Variants in NDST4 observed in about 807,000 individuals in gnomAD.
NDST4 encodes the protein N-deacetylase and N-sulfotransferase 4, also known as N-heparan sulfate sulfotransferase 4.
In NDST4, 63 loss-of-function variants were observed where a neutral mutation model predicts 100.8. The observed-to-expected ratio is 0.62, with a 90% CI of 0.51 to 0.77. The LOEUF is 0.77. Among genes scored for constraint, NDST4 ranks in the 30% least tolerant of loss-of-function variants. NDST4 has a pLI of 0.00. For synonymous variants in NDST4, 377 were observed against 361.8 expected (o/e 1.04, Z -0.48); for missense variants, 943 against 1,018.4 (o/e 0.93, Z 1.01).
At chr4:115,033,101 AT>A (rs1380493961) in intron 2 of NDST4, among the ~76,000 whole-genome samples, 2 of 145,602 alleles carry the variant, frequency 1.4e-5, no homozygotes, top group African/African-American at 5.0e-5. Context: ...AATTAAGTTT[AT>A]TTTGAATGCA....
chr4:114,926,746 T>A (rs1261404002), intron 6 of NDST4, among the ~76,000 whole-genome samples: 1 of 152,232 alleles, frequency 6.6e-6, no homozygotes, highest in East Asian at 1.9e-4. Flanking sequence ...AAGCTGCAGA[T>A]GTTATTATAA....
In NDST4 at chr4:115,080,277, C is replaced by T. The variant is rs185988959; in HGVS notation, c.-246-2995G>A. Among the ~76,000 whole-genome samples the T allele has an allele frequency of 1.2e-3, 178 of 152,234 alleles. 1 individual carries two copies. Among genetic ancestry groups the T allele is most frequent in the Admixed American group, 2.2e-3 (34 of 15,290 alleles). On this transcript the variant is annotated intron_variant, in intron 1 of 13. Transcript: ENST00000264363. ...TCAGCCTCCCTAGTAGCTGGGATTA[C>T]AGGCACACACCTTCAAGTCCAGCTA...
At chr4:115,099,357 A>C (rs971882298) in intron 1 of NDST4, among the ~76,000 whole-genome samples, 1 of 152,148 alleles carries the variant, frequency 6.6e-6, no homozygotes, top group African/African-American at 2.4e-5. Context: ...GGTGGCAGAC[A>C]CTCTGAAGAG....
intron 1 of NDST4, among the ~76,000 whole-genome samples, chr4:115,101,949 T>A (rs1729738749): frequency 6.6e-6 from 1 of 152,022 alleles, no homozygotes; most frequent in African/African-American, 2.4e-5. Flanking sequence ...AGGATTTAGA[T>A]TTTGAGGAGA....
chr4:114,933,450 T>C (rs1725557833), intron 6 of NDST4, among the ~76,000 whole-genome samples: 1 of 145,570 alleles, frequency 6.9e-6, no homozygotes. Flanking sequence ...TTTTTTTTTT[T>C]TTTTGTGTGT....
intron 6 of NDST4, among the ~76,000 whole-genome samples, chr4:114,927,983 A>T (rs1725419748): frequency 6.6e-6 from 1 of 152,180 alleles, no homozygotes; most frequent in Non-Finnish European, 1.5e-5. Flanking sequence ...AACACTTCGC[A>T]CTAAAAACAC....
chr4:115,022,034 CTA>C lies in NDST4; in HGVS notation c.979-44762_979-44761del, dbSNP rs1310277342. Among the ~76,000 whole-genome samples the C allele has an allele frequency of 2.0e-5, 3 of 151,782 alleles. No individual in the cohort carries two copies. In the East Asian group the frequency reaches 5.8e-4, roughly 30 times the overall value. ...TTCCATATCTCTATGTTCCATATCT[CTA>C]TGTTCCATATCTCTATGTTCCATAT... On this transcript the variant is annotated intron_variant, in intron 2 of 13. Coordinates refer to ENST00000264363, the MANE Select transcript of NDST4 (RefSeq NM_022569.3).
rs537916768 is a variant in NDST4 at position 115,065,526 on chromosome 4, T to C, written c.978+10533A>G. 3.2e-4 allele frequency among the ~76,000 whole-genome samples: 48 copies of C among 152,274 alleles called. No homozygotes were observed. The Middle Eastern group carries it at 0.01, about 32-fold the overall frequency. ...CAAAGTGGATATAGTTAATATTGTT[T>C]GGGCTTGTAAATGATTAGCACATTT... On this transcript the variant is annotated intron_variant, in intron 2 of 13. Transcript: ENST00000264363.
In NDST4 at chr4:115,019,192, G is replaced by A. The variant is rs116512390; in HGVS notation, c.979-41918C>T. On this transcript the variant is annotated intron_variant, in intron 2 of 13. Transcript: ENST00000264363. ...ACATATTGTAAACATGTTATGGCAA[G>A]TATATAATCTGAGCATATTGCCTAC... Among the ~76,000 whole-genome samples the A allele has an allele frequency of 7.7e-3, 1,165 of 152,132 alleles. 18 individuals are homozygous for A. The highest frequency in any genetic ancestry group is 0.017 in the Middle Eastern group (5 of 294).
intron 2 of NDST4, among the ~76,000 whole-genome samples, chr4:114,988,426 A>G (rs2126250516): frequency 7.6e-6 from 1 of 132,408 alleles, no homozygotes; most frequent in South Asian, 2.6e-4. Flanking sequence ...CAGTGGCGCA[A>G]TCTTGGCTCA....
intron 1 of NDST4, among the ~76,000 whole-genome samples, chr4:115,094,335 T>G (rs1269747117): frequency 2.0e-5 from 3 of 152,112 alleles, no homozygotes; most frequent in African/African-American, 7.2e-5. Context: ...CTTCAAAGAA[T>G]AATGTAATTC....
At chr4:115,071,443 T>G (rs1261488790) in intron 2 of NDST4, among the ~76,000 whole-genome samples, 1 of 152,110 alleles carries the variant, frequency 6.6e-6, no homozygotes, top group East Asian at 1.9e-4. Flanking sequence ...TAACCAAGAT[T>G]TTTTATCCCT....
chr4:114,879,545 G>T (rs1724322959), intron 6 of NDST4, among the ~76,000 whole-genome samples: 2 of 151,982 alleles, frequency 1.3e-5, no homozygotes, highest in South Asian at 4.1e-4. Context: ...TATTTGTTTG[G>T]GTATTTCCTG....
At chr4:114,955,366 C>G (rs1330183962) in intron 4 of NDST4, among the ~76,000 whole-genome samples, 1 of 152,066 alleles carries the variant, frequency 6.6e-6, no homozygotes, top group African/African-American at 2.4e-5. Flanking sequence ...ATCCAAGTAC[C>G]AATCATTAAA....
chr4:114,874,290 T>C (rs757263989), intron 6 of NDST4, among the ~76,000 whole-genome samples: 1 of 152,146 alleles, frequency 6.6e-6, no homozygotes, highest in Non-Finnish European at 1.5e-5. Flanking sequence ...AAGTCATTTT[T>C]CCAGAACATT....
intron 2 of NDST4, among the ~76,000 whole-genome samples, chr4:114,993,491 G>A (rs182051258): frequency 2.0e-5 from 3 of 152,070 alleles, no homozygotes; most frequent in Non-Finnish European, 4.4e-5. Context: ...AGCATTAATT[G>A]CAGTTTGGTA....
chr4:115,024,812 T>C (rs149611175), intron 2 of NDST4, among the ~76,000 whole-genome samples: 224 of 152,292 alleles, frequency 1.5e-3, no homozygotes, highest in African/African-American at 5.1e-3. Context: ...AAAATGCGTG[T>C]TTAAATATAA....
At chr4:115,040,991 C>T (rs540112596) in intron 2 of NDST4, among the ~76,000 whole-genome samples, 143 of 152,126 alleles carry the variant, frequency 9.4e-4, no homozygotes, top group African/African-American at 3.1e-3. Context: ...GTTTCTTTCA[C>T]CTTTCCTTTA....
intron 4 of NDST4, among the ~76,000 whole-genome samples, chr4:114,944,973 G>A (rs2126229497): frequency 6.6e-6 from 1 of 152,120 alleles, no homozygotes; most frequent in South Asian, 2.1e-4. Flanking sequence ...ACTTTGGGAG[G>A]CCGAGGCAGG....
Sources: allele counts gnomAD v4.1 joint callset (sites outside exome capture counted in the v4.1 genomes callset), GRCh38; gene constraint gnomAD v4.1.1; transcripts MANE v1.5; gene names NCBI Gene and HGNC (gene_info 2026-07-23, HGNC 2026-07-21).